The following MTA1 variants were observed in gnomAD, a reference collection of about 807,000 sequenced individuals.
MTA1 encodes the protein metastasis associated 1.
A neutral mutation model predicts 97.0 loss-of-function variants in MTA1; 15 were observed. The ratio of observed to expected loss-of-function variants is 0.15; its 90% CI spans 0.10 to 0.24. The LOEUF (loss-of-function observed/expected upper bound fraction) is 0.24. MTA1 is among the 10% of genes least tolerant of loss of function. The pLI, the probability that MTA1 is intolerant of heterozygous loss-of-function variation, is 1.00. For missense variants in MTA1, 709 were observed against 1,015.1 expected, an observed-to-expected ratio of 0.70 and a Z score of 4.10; for synonymous variants, 435 against 417.5, an observed-to-expected ratio of 1.04 and a Z score of -0.51.
rs1485941518 is a variant in MTA1, at chr14:105,463,359, A to T, written c.1017+101A>T. ...GCGTGCACTGCTGCAGCAGGAGGGGAAGGAAGACTCCTGAGTCCCTGGCCC... is the reference window on the plus strand; with the variant it reads ...GCGTGCACTGCTGCAGCAGGAGGGGTAGGAAGACTCCTGAGTCCCTGGCCC... On this transcript the variant is annotated intron_variant, in intron 11 of 20. Coordinates refer to ENST00000331320, the MANE Select transcript of MTA1 (RefSeq NM_004689.4). The surrounding 1 kb of genome is among the most constrained non-coding windows in gnomAD (Gnocchi z 5.9). 4 of 1,500,456 alleles carry T rather than the reference A, an allele frequency of 2.7e-6. No homozygotes were observed. Among genetic ancestry groups the T allele is most frequent in the Non-Finnish European group, 3.7e-6 (4 of 1,081,834 alleles). The allele number at this position is 1,500,456 out of a possible 1,614,324, so 92.9% of individuals were successfully genotyped here.
rs143771751 is a variant in MTA1 at position 105,429,214 on chromosome 14, C to T, written c.28+9151C>T. Among the ~76,000 whole-genome samples the T allele has an allele frequency of 1.7e-4, 26 of 152,306 alleles. No individual in the cohort carries two copies. The East Asian group carries it at 4.2e-3, about 25-fold the overall frequency. On this transcript the variant is annotated intron_variant, in intron 1 of 20. Transcript: ENST00000331320. ...ATGTGTCCGCTTTGATTTCCCATCCCGGCACTTCAGCTTTCTCTCTATCAG... is the reference window on the plus strand; with the variant it reads ...ATGTGTCCGCTTTGATTTCCCATCCTGGCACTTCAGCTTTCTCTCTATCAG...
intron 1 of MTA1, among the ~76,000 whole-genome samples, chr14:105,438,048 G>A (rs1555424822): frequency 1.3e-5 from 2 of 152,258 alleles, no homozygotes; most frequent in African/African-American, 2.4e-5. Flanking sequence ...GCCTGTTGCT[G>A]TCCCTGAGCT....
At chr14:105,432,342 G>A (rs941095423) in intron 1 of MTA1, among the ~76,000 whole-genome samples, 1 of 152,194 alleles carries the variant, frequency 6.6e-6, no homozygotes, top group African/African-American at 2.4e-5. Flanking sequence ...CTGGGTTCAA[G>A]CAATTATCCT....
chr14:105,447,894 A>G (rs916522877), intron 3 of MTA1, among the ~76,000 whole-genome samples: 1 of 152,240 alleles, frequency 6.6e-6, no homozygotes, highest in South Asian at 2.1e-4. Flanking sequence ...TGAGGCCCCC[A>G]GCTGATCCCA....
intron 1 of MTA1, among the ~76,000 whole-genome samples, chr14:105,436,625 G>A (rs1435431844): frequency 6.6e-6 from 1 of 151,826 alleles, no homozygotes; most frequent in Non-Finnish European, 1.5e-5. Flanking sequence ...TGCAGACCCC[G>A]AGCTGCCAGG....
chr14:105,463,302 C>G lies in MTA1; in HGVS notation c.1017+44C>G. 1 of 1,600,426 alleles carries G rather than the reference C, an allele frequency of 6.2e-7. No homozygotes were observed. Among genetic ancestry groups the G allele is most frequent in the Non-Finnish European group, 8.5e-7 (1 of 1,170,714 alleles). Reference sequence around the variant, plus strand: ...CAGTGCCCGGGGTGTGCCGCCTCCCCGTCCTGCGCCCCATCCTCTCCCAGC... The same window carrying G: ...CAGTGCCCGGGGTGTGCCGCCTCCCGGTCCTGCGCCCCATCCTCTCCCAGC... On this transcript the variant is annotated intron_variant, in intron 11 of 20. Transcript: ENST00000331320. This position sits in a 1 kb window ranked among gnomAD's most constrained non-coding sequence, Gnocchi z 5.9.
intron 10 of MTA1, 117 bp downstream of exon 10, chr14:105,461,070 T>A: frequency 9.3e-7 from 1 of 1,077,756 alleles, no homozygotes; most frequent in Non-Finnish European, 1.3e-6. Flanking sequence ...TGCACCCTGA[T>A]TCCCTGTGCG....
intron 18 of MTA1, chr14:105,467,750 C>T (rs587634093): frequency 3.2e-6 from 1 of 312,446 alleles, no homozygotes; most frequent in Non-Finnish European, 6.3e-6. Flanking sequence ...CCAGCCCACT[C>T]TGGGCTGGCT....
chr14:105,443,907 G>A (rs1031150354), intron 2 of MTA1, among the ~76,000 whole-genome samples: 1 of 152,166 alleles, frequency 6.6e-6, no homozygotes, highest in East Asian at 1.9e-4. Flanking sequence ...TGGCCAACAT[G>A]GTAAAACCCC....
At chr14:105,440,422 C>T (rs1307012437) in intron 2 of MTA1, among the ~76,000 whole-genome samples, 1 of 152,220 alleles carries the variant, frequency 6.6e-6, no homozygotes, top group Non-Finnish European at 1.5e-5. Flanking sequence ...GCAGGCAACC[C>T]GGGGCGGGAG....
intron 6 of MTA1, 67 bp from the exon 7 acceptor site, chr14:105,454,126 C>A: frequency 1.6e-6 from 2 of 1,238,834 alleles, no homozygotes; most frequent in South Asian, 1.2e-5. Flanking sequence ...GCCGTGCTGA[C>A]GCCTCTCTGA....
At position 105,420,138 on chromosome 14, in the gene MTA1, G is replaced by A. The variant is rs2081775997; in HGVS notation, c.28+75G>A. On this transcript the variant is annotated intron_variant, in intron 1 of 20. Coordinates refer to ENST00000331320, the MANE Select transcript of MTA1 (RefSeq NM_004689.4). The surrounding 1 kb of genome is among the most constrained non-coding windows in gnomAD (Gnocchi z 5.3). ...ACCCGCCGCCGCTGCCGCCTCCCCC[G>A]CCCCTCTGCCCCGCAGGCCCCGCGC... 6 of 728,818 alleles carry A rather than the reference G, an allele frequency of 8.2e-6. No individual in the cohort carries two copies. The highest frequency in any genetic ancestry group is 1.0e-5 in the Non-Finnish European group (6 of 601,342). The allele number at this position is 728,818 out of a possible 1,614,324, so 45.1% of individuals were successfully genotyped here. A position where few individuals can be genotyped will look rare whatever the true frequency, so the allele number is the denominator to read the frequency against.
At chr14:105,433,440 C>T (rs2082240308) in intron 1 of MTA1, among the ~76,000 whole-genome samples, 1 of 152,170 alleles carries the variant, frequency 6.6e-6, no homozygotes, top group South Asian at 2.1e-4. Flanking sequence ...TGGCCTGAGG[C>T]CCTGGGTGAG....
chr14:105,455,539 G>A (rs1051544613), intron 7 of MTA1, among the ~76,000 whole-genome samples: 1 of 152,180 alleles, frequency 6.6e-6, no homozygotes, highest in Admixed American at 6.5e-5. Flanking sequence ...AAGGCGTTTC[G>A]TGCTTGTCCT....
chr14:105,467,939 C>T, intron 18 of MTA1: 1 of 267,190 alleles, frequency 3.7e-6, no homozygotes, highest in South Asian at 3.7e-5. Context: ...CCACACCTCA[C>T]ACGTGAGTCC....
chr14:105,463,314 C>T lies in MTA1; in HGVS notation c.1017+56C>T. The T allele has an allele frequency of 6.3e-7, 1 of 1,588,564 alleles. No homozygotes were observed. The highest frequency in any genetic ancestry group is 2.2e-5 in the East Asian group (1 of 44,706). ...TGTGCCGCCTCCCCGTCCTGCGCCC[C>T]ATCCTCTCCCAGCAGGTGGGCGTGC... On this transcript the variant is annotated intron_variant, in intron 11 of 20. Transcript: ENST00000331320. The surrounding 1 kb of genome is among the most constrained non-coding windows in gnomAD (Gnocchi z 5.9).
intron 1 of MTA1, among the ~76,000 whole-genome samples, chr14:105,437,323 G>A (rs113399757): frequency 0.049 from 7,335 of 151,042 alleles, 632 homozygotes; most frequent in African/African-American, 0.17. Context: ...CTGCAGGTGC[G>A]TCCTCATGGG....
In MTA1 at chr14:105,420,397, A is replaced by C. The variant is rs2081790150; in HGVS notation, c.28+334A>C. Among the ~76,000 whole-genome samples, 2 of 152,000 alleles carry C rather than the reference A, an allele frequency of 1.3e-5. No homozygotes were observed. The highest frequency in any genetic ancestry group is 4.1e-4 in the South Asian group (2 of 4,822). Reference sequence around the variant, plus strand: ...GGGGCCGGGAGCCCCCAGCGGGAGCACGTGGCCTTGGGAGGCGCCGGCTGC... The same window carrying C: ...GGGGCCGGGAGCCCCCAGCGGGAGCCCGTGGCCTTGGGAGGCGCCGGCTGC... On this transcript the variant is annotated intron_variant, in intron 1 of 20. Transcript: ENST00000331320. The surrounding 1 kb of genome is among the most constrained non-coding windows in gnomAD (Gnocchi z 5.3).
chr14:105,426,893 C>T (rs1362002289), intron 1 of MTA1, among the ~76,000 whole-genome samples: 6 of 152,204 alleles, frequency 3.9e-5, no homozygotes, highest in Non-Finnish European at 7.3e-5. Context: ...GGGGGCTTTC[C>T]TGACCACTGT....
Sources: gnomAD v4.1 joint callset for allele counts (sites outside exome capture counted in the v4.1 genomes callset) on GRCh38, gnomAD v4.1.1 for gene constraint, Gnocchi (gnomAD v3.1) non-coding constraint, MANE v1.5 for transcripts, NCBI Gene and HGNC (gene_info 2026-07-23, HGNC 2026-07-21) for gene names.